DDX50: variants seen among roughly 807,000 people sequenced by gnomAD.
DDX50 encodes DExD-box helicase 50.
In DDX50, 56 loss-of-function variants were observed where a neutral mutation model predicts 94.8. The observed-to-expected ratio is 0.59, with a 90% CI of 0.48 to 0.74. The LOEUF is 0.74. Among genes scored for constraint, DDX50 ranks in the 30% least tolerant of loss-of-function variants. The pLI is 0.00. For missense variants in DDX50, 713 were observed against 881.2 expected, an observed-to-expected ratio of 0.81 and a Z score of 2.42; for synonymous variants, 264 against 295.4, an observed-to-expected ratio of 0.89 and a Z score of 1.09.
rs1564599625 is a variant in DDX50, at chr10:68,907,001, AGAG to A, written c.383_384+1del. The A allele has an allele frequency of 6.3e-7, 1 of 1,576,438 alleles. No individual in the cohort carries two copies. Among genetic ancestry groups the A allele is most frequent in the East Asian group, 2.2e-5 (1 of 44,578 alleles). On this transcript the variant is annotated inframe_deletion, in exon 2 of 15. Transcript: ENST00000373585. ...CTCATAAATCAAGTGATAATAAACTAGAGGAGGTATGGAAGCTTTTTATTTTGC... is the reference window on the plus strand; with the variant it reads ...CTCATAAATCAAGTGATAATAAACTAGAGGTATGGAAGCTTTTTATTTTGC...
chr10:68,910,319 G>T lies in DDX50; in HGVS notation c.397G>T (p.Glu133Ter). 1 of 1,606,852 alleles carries T rather than the reference G, an allele frequency of 6.2e-7. No individual in the cohort carries two copies. The highest frequency in any genetic ancestry group is 1.1e-5 in the South Asian group (1 of 90,170). Reference protein sequence around the residue: ...DNKLEETLTREQKEGAFSNFP... With the variant: ...DNKLEETLTR ...TTCATTTTTACAGACCTTAACACGT[G>T]AACAGAAAGAAGGAGCCTTCTCCAA... The change falls in exon 3 of 15, where the codon GAA becomes TAA. Residue 133 changes from glutamate to a stop codon, truncating the protein, a stop_gained. Transcript: ENST00000373585. LOFTEE classifies it high-confidence loss of function.
intron 7 of DDX50, among the ~76,000 whole-genome samples, chr10:68,916,450 G>A (rs1841796018): frequency 6.6e-6 from 1 of 151,646 alleles, no homozygotes; most frequent in East Asian, 1.9e-4. Flanking sequence ...GTAAAAAACA[G>A]TTGATAAGAA....
At chr10:68,910,430 C>A (rs1383373566) in intron 3 of DDX50, 48 bp downstream of exon 3, 2 of 1,503,330 alleles carry the variant, frequency 1.3e-6, no homozygotes, top group Admixed American at 4.2e-5. Flanking sequence ...TGAGACAGAG[C>A]CTCGCTCTGT....
At chr10:68,944,688 A>T (rs1299305495) in intron 14 of DDX50, among the ~76,000 whole-genome samples, 3 of 152,170 alleles carry the variant, frequency 2.0e-5, no homozygotes, top group Non-Finnish European at 4.4e-5. Flanking sequence ...CTGGGACTAC[A>T]GGCAAATGCC....
intron 8 of DDX50, among the ~76,000 whole-genome samples, chr10:68,920,947 C>CAAAAAAAAAAAAA: frequency 1.2e-5 from 1 of 86,128 alleles, no homozygotes; most frequent in Non-Finnish European, 2.4e-5. Context: ...GACTCCATCT[C>CAAAAAAAAAAAAA]AAAAAAAAAA....
At chr10:68,922,298 G>A (rs898745049) in intron 8 of DDX50, among the ~76,000 whole-genome samples, 1 of 151,958 alleles carries the variant, frequency 6.6e-6, no homozygotes, top group Admixed American at 6.6e-5. Context: ...CTGTAGCTGG[G>A]ACTGTAGGCA....
At chr10:68,902,818 G>A (rs1841331264) in intron 1 of DDX50, among the ~76,000 whole-genome samples, 1 of 152,190 alleles carries the variant, frequency 6.6e-6, no homozygotes, top group African/African-American at 2.4e-5. Context: ...CAACCCGAAT[G>A]TACCGTTATC....
At chr10:68,905,325 T>TA (rs1190917215) in intron 1 of DDX50, among the ~76,000 whole-genome samples, 1 of 150,208 alleles carries the variant, frequency 6.7e-6, no homozygotes, top group African/African-American at 2.5e-5. Flanking sequence ...TAGTGTTTTT[T>TA]AAAAAAATTA....
intron 7 of DDX50, among the ~76,000 whole-genome samples, chr10:68,917,655 C>T (rs111708634): frequency 0.06 from 9,074 of 152,196 alleles, 883 homozygotes; most frequent in African/African-American, 0.2. Context: ...GGCTGCAGTG[C>T]AGTGTGGCAT....
At chr10:68,929,386 C>T (rs946408023) in intron 8 of DDX50, among the ~76,000 whole-genome samples, 4 of 145,700 alleles carry the variant, frequency 2.7e-5, no homozygotes, top group African/African-American at 1.0e-4. Flanking sequence ...TCTTTCCTTC[C>T]TTTCCTTTCT....
chr10:68,918,306 A>G (rs1465734055), intron 7 of DDX50, among the ~76,000 whole-genome samples: 1 of 152,132 alleles, frequency 6.6e-6, no homozygotes, highest in Non-Finnish European at 1.5e-5. Flanking sequence ...AACCATTTTA[A>G]AGTATACAGT....
intron 1 of DDX50, among the ~76,000 whole-genome samples, chr10:68,903,405 C>T (rs917956625): frequency 1.3e-5 from 2 of 151,346 alleles, no homozygotes; most frequent in Admixed American, 6.6e-5. Context: ...TGGTGACTCA[C>T]TCCTGTAATC....
intron 2 of DDX50, among the ~76,000 whole-genome samples, chr10:68,907,708 T>A (rs2132022332): frequency 6.6e-6 from 1 of 151,848 alleles, no homozygotes; most frequent in South Asian, 2.1e-4. Context: ...GGGAAAAGTG[T>A]TGAATCCTTG....
intron 14 of DDX50, 129 bp from the exon 15 acceptor site, chr10:68,946,223 T>G: frequency 8.7e-7 from 1 of 1,153,002 alleles, no homozygotes; most frequent in Non-Finnish European, 1.2e-6. Context: ...TTCATTTTTG[T>G]TCCAGATACG....
At chr10:68,944,924 C>T (rs1202941182) in intron 14 of DDX50, among the ~76,000 whole-genome samples, 1 of 152,146 alleles carries the variant, frequency 6.6e-6, no homozygotes, top group Non-Finnish European at 1.5e-5. Context: ...CCCAAGTGAT[C>T]CTCCCAAAGT....
intron 1 of DDX50, among the ~76,000 whole-genome samples, chr10:68,904,368 C>T (rs931068561): frequency 3.3e-5 from 5 of 151,980 alleles, no homozygotes; most frequent in Admixed American, 6.6e-5. Context: ...AACTTTGGTT[C>T]GGACGTGTTG....
At chr10:68,943,154 CAAAA>C in intron 13 of DDX50, 55 bp from the exon 14 acceptor site, 2 of 1,533,270 alleles carry the variant, frequency 1.3e-6, no homozygotes, top group African/African-American at 1.4e-5. Context: ...ATTAGTAAAA[CAAAA>C]AAAATCTACA....
At position 68,901,344 on chromosome 10, in the gene DDX50, T is replaced by C; in HGVS notation, c.-41T>C. ...TCACGCTGTCGCTGCCCGTAGGTGG[T>C]TGTGGCCACTGTGCCCGGAGGGAGG... On this transcript the variant is annotated 5_prime_UTR_variant, in exon 1 of 15. Transcript: ENST00000373585. 4 of 1,508,120 alleles carry C rather than the reference T, an allele frequency of 2.7e-6. No homozygotes were observed. The highest frequency in any genetic ancestry group is 3.6e-6 in the Non-Finnish European group (4 of 1,122,452). 93.4% of individuals were successfully genotyped at this position (1,508,120 alleles called of 1,614,324 possible).
chr10:68,929,372 C>T (rs1842187448), intron 8 of DDX50, among the ~76,000 whole-genome samples: 1 of 148,084 alleles, frequency 6.8e-6, no homozygotes, highest in Admixed American at 6.9e-5. Flanking sequence ...TCCTTCCTTT[C>T]CTTTCTTTCC....
Sources: allele counts gnomAD v4.1 joint callset (sites outside exome capture counted in the v4.1 genomes callset), GRCh38; gene constraint gnomAD v4.1.1; transcripts MANE v1.5; gene names NCBI Gene and HGNC (gene_info 2026-07-23, HGNC 2026-07-21).